The following SLAMF1 variants were observed in gnomAD, a reference collection of about 807,000 sequenced individuals.
SLAMF1 encodes signaling lymphocytic activation molecule.
Under a neutral mutation model 35.1 loss-of-function variants are expected in SLAMF1, and 18 were observed. That is an observed-to-expected ratio of 0.51 (90% CI 0.35 to 0.76). The LOEUF is 0.76. Ranked by LOEUF, SLAMF1 falls within the 30% of genes least tolerant of loss-of-function variation. The probability of loss-of-function intolerance (pLI) is 0.01; values close to 1 mark genes in which losing one functional copy is unlikely to be tolerated. For synonymous variants in SLAMF1, 168 were observed against 157.2 expected, an observed-to-expected ratio of 1.07 and a Z score of -0.51; for missense variants, 392 against 413.0, an observed-to-expected ratio of 0.95 and a Z score of 0.44.
chr1:160,634,684 G>A lies in SLAMF1; in HGVS notation c.629C>T (p.Thr210Ile), dbSNP rs1660336170. 6.2e-7 allele frequency: 1 copy of A among 1,614,014 alleles called. No homozygotes were observed. The highest frequency in any genetic ancestry group is 1.1e-5 in the South Asian group (1 of 91,080). Residue 210 changes from threonine (T) to isoleucine (I), a missense_variant, in exon 3 of 7, where the codon ACC becomes ATC. Transcript: ENST00000302035. ...ATTGTTGCTGATAGGGTTGCTCACG[G>A]TGCAGATGTAGATATTGTCAGCATG... ...PQHADNIYIC[T>I]VSNPISNNSQ...
rs566572111 is a variant in SLAMF1 at position 160,608,881 on chromosome 1, T to A, written c.*1867A>T. ...GTCTGCCTACCACCTGAATCCCACT[T>A]CTATTATTTGTAGAATTCCTTAATT... is the stretch of plus-strand genomic sequence containing the variant. On this transcript the variant is annotated 3_prime_UTR_variant, in exon 7 of 7. Transcript: ENST00000302035. The A allele has an allele frequency of 6.6e-6, 1 of 152,298 alleles. No homozygotes were observed. Among genetic ancestry groups the A allele is most frequent in the South Asian group, 2.1e-4 (1 of 4,820 alleles). 9.4% of individuals were successfully genotyped at this position (152,298 alleles called of 1,614,324 possible).
At chr1:160,615,057 A>G (rs892718841) in intron 5 of SLAMF1, among the ~76,000 whole-genome samples, 1 of 152,150 alleles carries the variant, frequency 6.6e-6, no homozygotes, top group Admixed American at 6.5e-5. Context: ...TTTTCATGTT[A>G]TTATATTCTT....
Position 160,638,577 on chromosome 1 carries a change from T to C in SLAMF1, c.77-1048A>G, listed in dbSNP as rs12404223. Among the ~76,000 whole-genome samples the C allele has an allele frequency of 9.2e-4, 140 of 152,340 alleles. 1 individual carries two copies. The highest frequency in any genetic ancestry group is 6.9e-3 in the East Asian group (36 of 5,192). ...TCCCAGGTCCATCCCCAGATACCTCTCCATTTCTGTTTTCCTTTACAGCAA... is the reference window on the plus strand; with the variant it reads ...TCCCAGGTCCATCCCCAGATACCTCCCCATTTCTGTTTTCCTTTACAGCAA... On this transcript the variant is annotated intron_variant, in intron 1 of 6. Transcript: ENST00000302035.
chr1:160,640,325 C>CACATATATATATAT (rs1303073948), intron 1 of SLAMF1, among the ~76,000 whole-genome samples: 5 of 94,126 alleles, frequency 5.3e-5, no homozygotes, highest in African/African-American at 2.1e-4. Flanking sequence ...TTAGGTTTGT[C>CACATATATATATAT]ATATATATAT....
At chr1:160,625,389 G>C (rs1412608612) in intron 3 of SLAMF1, among the ~76,000 whole-genome samples, 1 of 152,114 alleles carries the variant, frequency 6.6e-6, no homozygotes, top group African/African-American at 2.4e-5. Flanking sequence ...GGTTCCAAAG[G>C]AAAGAATCAT....
chr1:160,615,752 G>C, intron 5 of SLAMF1: 1 of 352,546 alleles, frequency 2.8e-6, no homozygotes, highest in Non-Finnish European at 5.7e-6. Flanking sequence ...TAAGTCCGAA[G>C]TCTGATGATG....
intron 3 of SLAMF1, among the ~76,000 whole-genome samples, chr1:160,632,505 T>C (rs1452762400): frequency 2.0e-5 from 3 of 152,204 alleles, no homozygotes; most frequent in African/African-American, 7.2e-5. Flanking sequence ...TAAGTCCATC[T>C]TCACATGTTT....
In SLAMF1 at chr1:160,642,648, A is replaced by G. The variant is rs778831531; in HGVS notation, c.76+4222T>C. ...GAATGAAAAATGAGCAAATGACAACACAGAGTCCAAGTTCTCCTCCCTCCA... is the reference window on the plus strand; with the variant it reads ...GAATGAAAAATGAGCAAATGACAACGCAGAGTCCAAGTTCTCCTCCCTCCA... On this transcript the variant is annotated intron_variant, in intron 1 of 6. Transcript: ENST00000302035. This position sits in a 1 kb window ranked among gnomAD's most constrained non-coding sequence, Gnocchi z 4.2. Among the ~76,000 whole-genome samples, 1 of 152,222 alleles carries G rather than the reference A, an allele frequency of 6.6e-6. No individual in the cohort carries two copies. Among genetic ancestry groups the G allele is most frequent in the African/African-American group, 2.4e-5 (1 of 41,454 alleles).
Position 160,609,249 on chromosome 1 carries a change from T to C in SLAMF1, c.*1499A>G, listed in dbSNP as rs546590276. The C allele has an allele frequency of 2.2e-4, 34 of 152,350 alleles. 2 individuals are homozygous for C. The East Asian group carries it at 6.4e-3, about 29-fold the overall frequency. The allele number at this position is 152,350 out of a possible 1,614,324, so 9.4% of individuals were successfully genotyped here. ...GCCACAGCCTAGTCTCTTCTTTTCCTGCTCACTTTCAAAGCATGGTTTTGC... is the reference window on the plus strand; with the variant it reads ...GCCACAGCCTAGTCTCTTCTTTTCCCGCTCACTTTCAAAGCATGGTTTTGC... On this transcript the variant is annotated 3_prime_UTR_variant, in exon 7 of 7. Transcript: ENST00000302035.
chr1:160,613,020 C>T (rs1659085614), intron 5 of SLAMF1, among the ~76,000 whole-genome samples: 1 of 152,190 alleles, frequency 6.6e-6, no homozygotes, highest in African/African-American at 2.4e-5. Context: ...TATGTCTTCT[C>T]ATTTGCCTCA....
At chr1:160,622,383 T>C (rs1290610554) in intron 4 of SLAMF1, among the ~76,000 whole-genome samples, 1 of 152,224 alleles carries the variant, frequency 6.6e-6, no homozygotes, top group Non-Finnish European at 1.5e-5. Flanking sequence ...AATGAGGGCA[T>C]AGAGTATCTA....
intron 5 of SLAMF1, among the ~76,000 whole-genome samples, chr1:160,613,633 T>C (rs1659124905): frequency 6.6e-6 from 1 of 152,350 alleles, no homozygotes; most frequent in East Asian, 1.9e-4. Context: ...ACACCACATG[T>C]GTTTTAATGC....
intron 1 of SLAMF1, among the ~76,000 whole-genome samples, chr1:160,640,419 CAT>C (rs963567067): frequency 6.2e-5 from 9 of 145,870 alleles, no homozygotes; most frequent in South Asian, 2.2e-4. Context: ...TATACATACA[CAT>C]ATATATATAT....
rs1343272152 is a variant in SLAMF1 at position 160,610,307 on chromosome 1, C to T, written c.*441G>A. On this transcript the variant is annotated 3_prime_UTR_variant, in exon 7 of 7. Transcript: ENST00000302035. Reference sequence around the variant, plus strand: ...TCTGCAGGTTATCATGATCAGCTCCCAGAACAAAGTAAAGATAGCCAAAAT... The same window carrying T: ...TCTGCAGGTTATCATGATCAGCTCCTAGAACAAAGTAAAGATAGCCAAAAT... The T allele has an allele frequency of 2.2e-6, 1 of 457,024 alleles. No homozygotes were observed. The highest frequency in any genetic ancestry group is 4.4e-6 in the Non-Finnish European group (1 of 227,182). The allele number at this position is 457,024 out of a possible 1,614,324, so 28.3% of individuals were successfully genotyped here.
intron 1 of SLAMF1, among the ~76,000 whole-genome samples, chr1:160,643,165 A>G (rs1370041514): frequency 1.3e-5 from 2 of 152,126 alleles, no homozygotes; most frequent in Non-Finnish European, 2.9e-5. Flanking sequence ...AAGAGGGAGG[A>G]GGCAGCTATC....
intron 1 of SLAMF1, among the ~76,000 whole-genome samples, chr1:160,643,007 T>C (rs1200413393): frequency 6.7e-6 from 1 of 149,402 alleles, no homozygotes; most frequent in Non-Finnish European, 1.5e-5. Context: ...TTAAATTTCT[T>C]ATTAAATGAC....
At chr1:160,634,270 C>T in intron 3 of SLAMF1, 1 of 243,106 alleles carries the variant, frequency 4.1e-6, no homozygotes, top group South Asian at 1.5e-4. Context: ...GGAGCATAGA[C>T]TTGGGAGCCA....
Position 160,637,391 on chromosome 1 carries a change from T to C in SLAMF1, c.215A>G (p.Asn72Ser). 2.5e-6 allele frequency: 4 copies of C among 1,614,118 alleles called. No individual in the cohort carries two copies. The highest frequency in any genetic ancestry group is 3.4e-6 in the Non-Finnish European group (4 of 1,179,962). Residue 72 changes from asparagine to serine, a missense_variant, in exon 2 of 7, where the codon AAC becomes AGC. By Grantham distance (46) the Asn-to-Ser change is conservative. Coordinates refer to ENST00000302035, the MANE Select transcript of SLAMF1 (RefSeq NM_003037.5). ...IVVTMAKSLE[N>S]SVENKIVSLD... ...AGACACTATTTTGTTCTCGACACTG[T>C]TCTCCAGTGATTTTGCCATTGTGAC...
chr1:160,616,072 A>G (rs2102271537), intron 5 of SLAMF1, among the ~76,000 whole-genome samples: 1 of 152,122 alleles, frequency 6.6e-6, no homozygotes, highest in South Asian at 2.1e-4. Context: ...ATATACCCCA[A>G]CTCCTTATGT....
Sources: gnomAD v4.1 joint callset for allele counts (sites outside exome capture counted in the v4.1 genomes callset) on GRCh38, gnomAD v4.1.1 for gene constraint, Gnocchi (gnomAD v3.1) non-coding constraint, MANE v1.5 for transcripts, NCBI Gene and HGNC (gene_info 2026-07-23, HGNC 2026-07-21) for gene names.